Variants in EPB41L1 observed in about 807,000 individuals in gnomAD.
EPB41L1 encodes erythrocyte membrane protein band 4.1 like 1.
A neutral mutation model predicts 97.8 loss-of-function variants in EPB41L1; 29 were observed. That is an observed-to-expected ratio of 0.30 (90% CI 0.22 to 0.40). The LOEUF is 0.40. EPB41L1 is among the 10% of genes least tolerant of loss of function. EPB41L1 has a pLI of 1.00. For synonymous variants in EPB41L1, 383 were observed against 459.2 expected (o/e 0.83, Z 2.12); for missense variants, 812 against 1,162.3 (o/e 0.70, Z 4.38).
intron 2 of EPB41L1, chr20:36,125,553 G>A (rs556885003): frequency 3.3e-6 from 5 of 1,535,086 alleles, no homozygotes; most frequent in South Asian, 2.4e-5. Flanking sequence ...CCATTCAACA[G>A]TGGGGGATTC....
chr20:36,227,593 A>G (rs549092421), intron 21 of EPB41L1, among the ~76,000 whole-genome samples: 1 of 152,276 alleles, frequency 6.6e-6, no homozygotes, highest in South Asian at 2.1e-4. Context: ...GAGGTTGATG[A>G]GAGTACTGAG....
At position 36,206,180 on chromosome 20, in the gene EPB41L1, A is replaced by G; in HGVS notation, c.1669-3308A>G. 2 of 1,289,886 alleles carry G rather than the reference A, an allele frequency of 1.6e-6. No individual in the cohort carries two copies. Among genetic ancestry groups the G allele is most frequent in the Non-Finnish European group, 2.0e-6 (2 of 988,884 alleles). 79.9% of individuals were successfully genotyped at this position (1,289,886 alleles called of 1,614,324 possible). ...CTGGCTTCCGGCCGCACATTGGCAG[A>G]AAAGCTCCTCGAGGGCTCTGAGCTC... On this transcript the variant is annotated intron_variant, in intron 14 of 21. Coordinates refer to ENST00000338074, the MANE Select transcript of EPB41L1 (RefSeq NM_012156.2). The surrounding 1 kb of genome is among the most constrained non-coding windows in gnomAD (Gnocchi z 5.5).
intron 2 of EPB41L1, among the ~76,000 whole-genome samples, chr20:36,127,193 G>A (rs1365930050): frequency 1.3e-5 from 2 of 152,218 alleles, no homozygotes; most frequent in East Asian, 1.9e-4. Context: ...CAAAGGGATT[G>A]GGTTGGTACC....
intron 2 of EPB41L1, among the ~76,000 whole-genome samples, chr20:36,114,807 C>T (rs1308041495): frequency 6.6e-6 from 1 of 152,128 alleles, no homozygotes; most frequent in African/African-American, 2.4e-5. Context: ...GTGGTTCAAT[C>T]ACTGTTGCTG....
chr20:36,192,022 T>C (rs1407080565), intron 11 of EPB41L1, among the ~76,000 whole-genome samples: 1 of 152,030 alleles, frequency 6.6e-6, no homozygotes, highest in Non-Finnish European at 1.5e-5. Flanking sequence ...GGTCAGGAGT[T>C]CGAGACCAGC....
chr20:36,203,922 ACTC>A (rs144422657), intron 14 of EPB41L1, among the ~76,000 whole-genome samples: 6,228 of 151,904 alleles, frequency 0.041, 433 homozygotes, highest in African/African-American at 0.14. Context: ...GATCTGACAG[ACTC>A]CTCCTCCCTG....
At chr20:36,204,295 G>A (rs1354085899) in intron 14 of EPB41L1, among the ~76,000 whole-genome samples, 1 of 151,946 alleles carries the variant, frequency 6.6e-6, no homozygotes, top group Non-Finnish European at 1.5e-5. Flanking sequence ...TCACATAGCC[G>A]ACTTGCATTA....
upstream of EPB41L1, chr20:36,152,937 A>G (rs1165835745): frequency 6.6e-6 from 3 of 455,382 alleles, no homozygotes; most frequent in Non-Finnish European, 1.3e-5. Context: ...GCCTGGGCAG[A>G]TTTGTCTGTC....
intron 4 of EPB41L1, among the ~76,000 whole-genome samples, chr20:36,178,328 C>T (rs2061335228): frequency 6.6e-6 from 1 of 152,204 alleles, no homozygotes; most frequent in Non-Finnish European, 1.5e-5. Context: ...AGCTTCTCCC[C>T]TACCCTTGGG....
chr20:36,194,439 C>T, intron 12 of EPB41L1, 79 bp downstream of exon 12: 3 of 1,523,770 alleles, frequency 2.0e-6, no homozygotes, highest in South Asian at 2.4e-5. Context: ...CCTTGACCTT[C>T]ACATGCCTCC....
chr20:36,155,287 T>TGCA, intron 1 of EPB41L1: 2 of 417,568 alleles, frequency 4.8e-6, no homozygotes, highest in South Asian at 1.7e-5. Context: ...GAGCCTGGGA[T>TGCA]GCTGGCGAGC....
intron 8 of EPB41L1, 117 bp from the exon 9 acceptor site, chr20:36,188,230 C>A: frequency 7.1e-7 from 1 of 1,407,868 alleles, no homozygotes; most frequent in Non-Finnish European, 1.0e-6. Flanking sequence ...GAGGCTCTAA[C>A]CCTGTTCCTG....
chr20:36,142,805 C>T (rs1020342661), intron 2 of EPB41L1, among the ~76,000 whole-genome samples: 2 of 152,240 alleles, frequency 1.3e-5, no homozygotes, highest in African/African-American at 4.8e-5. Flanking sequence ...GGCAGTTGGG[C>T]TGGGTTGGCT....
rs1055034173 is a variant in EPB41L1 at position 36,194,274 on chromosome 20, C to T, written c.1363C>T (p.Arg455Trp). Residue 455 changes from arginine (R) to tryptophan (W), a missense_variant, in exon 12 of 22, where the codon CGG (arginine) becomes TGG (tryptophan). This residue lies in a region of EPB41L1 where 498 missense variants were observed against 622.7 expected (regional missense o/e 0.80). Coordinates refer to ENST00000338074, the MANE Select transcript of EPB41L1 (RefSeq NM_012156.2). ...TGATGCAGGGCCTGACGGTGACAAGCGGGATGAGGATGGCGAGTCTGGGGG... is the reference window on the plus strand; with the variant it reads ...TGATGCAGGGCCTGACGGTGACAAGTGGGATGAGGATGGCGAGTCTGGGGG... Reference protein sequence around the residue: ...NHDAGPDGDKRDEDGESGGQR... With the variant: ...NHDAGPDGDKWDEDGESGGQR... 7 of 1,614,080 alleles carry T rather than the reference C, an allele frequency of 4.3e-6. No individual in the cohort carries two copies. The highest frequency in any genetic ancestry group is 3.3e-4 in the Middle Eastern group (2 of 6,054).
chr20:36,137,288 C>T (rs910286432), intron 2 of EPB41L1, among the ~76,000 whole-genome samples: 2 of 152,046 alleles, frequency 1.3e-5, no homozygotes, highest in African/African-American at 4.8e-5. Context: ...GTTGCCCAGG[C>T]TGGTCTCAAA....
chr20:36,222,906 A>G (rs906814494), intron 21 of EPB41L1, among the ~76,000 whole-genome samples: 6 of 151,930 alleles, frequency 3.9e-5, no homozygotes, highest in African/African-American at 1.5e-4. Context: ...TGCAATTTTT[A>G]TATTTTTTGA....
At chr20:36,140,140 T>A (rs777319114) in intron 2 of EPB41L1, among the ~76,000 whole-genome samples, 1 of 151,972 alleles carries the variant, frequency 6.6e-6, no homozygotes, top group African/African-American at 2.4e-5. Context: ...CTGCAACCTC[T>A]GCTTCCCAGA....
intron 1 of EPB41L1, among the ~76,000 whole-genome samples, chr20:36,108,673 CAAAAAA>C (rs1210628637): frequency 6.6e-6 from 1 of 151,798 alleles, no homozygotes. Flanking sequence ...GACTCTGACT[CAAAAAA>C]TAAAATAAAA....
intron 8 of EPB41L1, 104 bp downstream of exon 8, chr20:36,187,867 A>G: frequency 1.1e-6 from 1 of 913,404 alleles, no homozygotes; most frequent in Non-Finnish European, 1.8e-6. Flanking sequence ...GTTACCTCCA[A>G]CTTGAAACCT....
Sources: gnomAD v4.1 joint callset for allele counts (sites outside exome capture counted in the v4.1 genomes callset) on GRCh38, gnomAD v4.1.1 for gene constraint, gnomAD v4.1.1 regional missense constraint, Gnocchi (gnomAD v3.1) non-coding constraint, MANE v1.5 for transcripts, NCBI Gene and HGNC (gene_info 2026-07-23, HGNC 2026-07-21) for gene names.